The following RSPH4A variants were observed in gnomAD, a reference collection of about 807,000 sequenced individuals.
RSPH4A encodes the protein radial spoke head protein 4 homolog A.
Under a neutral mutation model 71.0 loss-of-function variants are expected in RSPH4A, and 47 were observed. The observed-to-expected ratio is 0.66, with a 90% confidence interval of 0.52 to 0.84. The LOEUF is 0.84. Among genes scored for constraint, RSPH4A ranks in the 40% least tolerant of loss-of-function variants. The pLI is 0.00. For missense variants in RSPH4A, 793 were observed against 855.2 expected (o/e 0.93, Z 0.91); for synonymous variants, 282 against 302.3 (o/e 0.93, Z 0.70).
chr6:116,621,030 T>C (rs1304572809), intron 1 of RSPH4A, among the ~76,000 whole-genome samples: 1 of 152,096 alleles, frequency 6.6e-6, no homozygotes, highest in Non-Finnish European at 1.5e-5. Context: ...GACTAATTTT[T>C]GTTTTTTTAA....
chr6:116,618,739 G>A (rs576513979), intron 1 of RSPH4A, among the ~76,000 whole-genome samples: 1 of 152,356 alleles, frequency 6.6e-6, no homozygotes, highest in East Asian at 1.9e-4. Context: ...CCACAAGCAA[G>A]CAATCACTTC....
Position 116,616,637 on chromosome 6 carries a change from C to A in RSPH4A, c.14C>A (p.Thr5Asn). Residue 5 changes from threonine (T) to asparagine (N), a missense_variant, in exon 1 of 6, where the codon ACC becomes AAC. Coordinates refer to ENST00000229554, the MANE Select transcript of RSPH4A (RefSeq NM_001010892.3). ...TGAACTGCTTCCATGGAGGACTCAA[C>A]CTCCCCGAAGCAAGAAAAAGAAAAC... Reference protein sequence around the residue: MEDSTSPKQEKENQE... With the variant: MEDSNSPKQEKENQE... 6.2e-7 allele frequency: 1 copy of A among 1,613,164 alleles called. No homozygotes were observed. The highest frequency in any genetic ancestry group is 8.5e-7 in the Non-Finnish European group (1 of 1,179,600).
chr6:116,617,235 C>T lies in RSPH4A; in HGVS notation c.612C>T (p.Pro204=), dbSNP rs1470991108. The change falls in exon 1 of 6, where the codon CCC becomes CCT. Residue 204 remains proline, a synonymous_variant. Transcript: ENST00000229554. ...QPAPGGSEVA[P]SMLEITIQNA... ...CGCCTGGGGGCTCTGAAGTGGCCCC[C>T]AGCATGCTTGAGATCACCATTCAGA... 4 of 1,614,102 alleles carry T rather than the reference C, an allele frequency of 2.5e-6. No homozygotes were observed.
rs1177551571 is a variant in RSPH4A at position 116,616,839 on chromosome 6, T to C, written c.216T>C (p.Gly72=). 2 of 1,614,044 alleles carry C rather than the reference T, an allele frequency of 1.2e-6. No homozygotes were observed. Among genetic ancestry groups the C allele is most frequent in the South Asian group, 1.1e-5 (1 of 91,078 alleles). The change falls in exon 1 of 6, where the codon GGT becomes GGC. Residue 72 remains glycine (G), a synonymous_variant. Transcript: ENST00000229554. ...SPQSRAKTPL[G]GPAGPETSSP... is the part of the protein sequence containing the mutation. Reference sequence around the variant, plus strand: ...AGTCTAGAGCCAAGACGCCTCTGGGTGGCCCCGCGGGACCAGAAACATCAT... The same window carrying C: ...AGTCTAGAGCCAAGACGCCTCTGGGCGGCCCCGCGGGACCAGAAACATCAT...
At position 116,632,572 on chromosome 6, in the gene RSPH4A, C is replaced by T; in HGVS notation, c.*131C>T. On this transcript the variant is annotated 3_prime_UTR_variant, in exon 6 of 6. Coordinates refer to ENST00000229554, the MANE Select transcript of RSPH4A (RefSeq NM_001010892.3). Reference sequence around the variant, plus strand: ...GTAAGAAATTATTCAACTGCAAAATCTCAATCTTGAAAATCAAGCTTGAAA... The same window carrying T: ...GTAAGAAATTATTCAACTGCAAAATTTCAATCTTGAAAATCAAGCTTGAAA... 8.4e-7 allele frequency: 1 copy of T among 1,184,372 alleles called. No homozygotes were observed. Among genetic ancestry groups the T allele is most frequent in the Non-Finnish European group, 1.2e-6 (1 of 857,974 alleles). 73.4% of individuals were successfully genotyped at this position (1,184,372 alleles called of 1,614,324 possible).
chr6:116,619,782 G>C (rs754786197), intron 1 of RSPH4A, among the ~76,000 whole-genome samples: 18 of 152,074 alleles, frequency 1.2e-4, no homozygotes, highest in Non-Finnish European at 2.2e-4. Context: ...TCAGTAGCAC[G>C]ATCTCGGCTC....
Position 116,627,638 on chromosome 6 carries a change from G to A in RSPH4A, c.931G>A (p.Ala311Thr), listed in dbSNP as rs1330301417. The A allele has an allele frequency of 4.3e-6, 7 of 1,613,796 alleles. No homozygotes were observed. The highest frequency in any genetic ancestry group is 2.2e-5 in the East Asian group (1 of 44,884). ...GCATTTGTTTCCCCAGGCAGAAAACGCTCTTCCAAATGTAATGGAGTCAGC... is the reference window on the plus strand; with the variant it reads ...GCATTTGTTTCCCCAGGCAGAAAACACTCTTCCAAATGTAATGGAGTCAGC... The part of the protein sequence containing the change: ...QELEDEIAEN[A>T]LPNVMESAFY... Residue 311 changes from alanine (A) to threonine (T), a missense_variant, in exon 3 of 6, where the codon GCT becomes ACT. Physicochemically the swap from Ala to Thr is moderately conservative, Grantham distance 58. Coordinates refer to ENST00000229554, the MANE Select transcript of RSPH4A (RefSeq NM_001010892.3).
intron 3 of RSPH4A, among the ~76,000 whole-genome samples, chr6:116,629,126 T>A (rs962913858): frequency 4.6e-5 from 7 of 152,218 alleles, no homozygotes; most frequent in African/African-American, 1.7e-4. Flanking sequence ...AGAGATACTC[T>A]TAGCTTTCTC....
rs2115368553 is a variant in RSPH4A, at chr6:116,632,361, G to A, written c.2071G>A (p.Ala691Thr). The change falls in exon 6 of 6, where the codon GCT (alanine) becomes ACT (threonine). Residue 691 changes from alanine (A) to threonine (T), a missense_variant. By Grantham distance (58) the Ala-to-Thr change is moderately conservative. Coordinates refer to ENST00000229554, the MANE Select transcript of RSPH4A (RefSeq NM_001010892.3). The stretch of plus-strand genomic sequence containing the variant: ...TGTGGAGGAGGAGCAGGCTTTCAGG[G>A]CTGCACAAGAAGCAGTTCTACTCGC... ...PSVEEEQAFR[A>T]AQEAVLLAAE... 1.2e-6 allele frequency: 2 copies of A among 1,614,002 alleles called. No individual in the cohort carries two copies. Among genetic ancestry groups the A allele is most frequent in the Non-Finnish European group, 1.7e-6 (2 of 1,179,986 alleles).
In RSPH4A at chr6:116,622,914, T is replaced by G. The variant is rs1406041200; in HGVS notation, c.833T>G (p.Leu278Arg). 6.2e-7 allele frequency: 1 copy of G among 1,613,988 alleles called. No individual in the cohort carries two copies. Among genetic ancestry groups the G allele is most frequent in the Admixed American group, 1.7e-5 (1 of 60,026 alleles). The change falls in exon 2 of 6, where the codon CTT becomes CGT. Residue 278 changes from leucine to arginine, a missense_variant. By Grantham distance (102) the Leu-to-Arg change is moderately radical. Transcript: ENST00000229554. ...GCACTACAAAATGAGAATGAGTTGC[T>G]TCCAACATATGAAATAGCAGAAAAG... ...FDALQNENEL[L>R]PTYEIAEKQK...
chr6:116,629,782 G>A, intron 4 of RSPH4A, 80 bp downstream of exon 4: 4 of 1,349,632 alleles, frequency 3.0e-6, no homozygotes, highest in South Asian at 1.2e-5. Flanking sequence ...AAATATGAGA[G>A]TCGGAAAGCT....
chr6:116,626,170 C>G (rs1775688856), intron 2 of RSPH4A, among the ~76,000 whole-genome samples: 1 of 152,022 alleles, frequency 6.6e-6, no homozygotes, highest in East Asian at 1.9e-4. Flanking sequence ...TACATCAAGG[C>G]GATGAGGATT....
Position 116,628,195 on chromosome 6 carries a change from C to G in RSPH4A, c.1488C>G (p.His496Gln), listed in dbSNP as rs367598099. 1 of 1,614,080 alleles carries G rather than the reference C, an allele frequency of 6.2e-7. No homozygotes were observed. The highest frequency in any genetic ancestry group is 8.5e-7 in the Non-Finnish European group (1 of 1,180,012). ...AQIARISAGT[H>Q]VSPLGFYQFG... ...TTGCCCGAATTTCAGCAGGAACCCA[C>G]GTCAGTCCTCTAGGATTTTATCAGT... Residue 496 changes from histidine (H) to glutamine (Q), a missense_variant, in exon 3 of 6, where the codon CAC becomes CAG. Coordinates refer to ENST00000229554, the MANE Select transcript of RSPH4A (RefSeq NM_001010892.3).
intron 4 of RSPH4A, among the ~76,000 whole-genome samples, 155 bp downstream of exon 4, chr6:116,629,857 TGA>T (rs1775763865): frequency 6.6e-6 from 1 of 152,044 alleles, no homozygotes; most frequent in East Asian, 1.9e-4. Flanking sequence ...TGATAGGGAG[TGA>T]AGAATGTAGC....
intron 2 of RSPH4A, among the ~76,000 whole-genome samples, chr6:116,626,709 A>C (rs1210691902): frequency 6.6e-6 from 1 of 151,416 alleles, no homozygotes; most frequent in Admixed American, 6.6e-5. Flanking sequence ...CTTTTGTGGA[A>C]TTTTTTAATT....
chr6:116,632,577 T>G lies in RSPH4A; in HGVS notation c.*136T>G. The G allele has an allele frequency of 1.8e-6, 2 of 1,131,472 alleles. No homozygotes were observed. Among genetic ancestry groups the G allele is most frequent in the Non-Finnish European group, 2.5e-6 (2 of 811,814 alleles). The allele number at this position is 1,131,472 out of a possible 1,614,324, so 70.1% of individuals were successfully genotyped here. A position where few individuals can be genotyped will look rare whatever the true frequency, so the allele number is the denominator to read the frequency against. ...AAATTATTCAACTGCAAAATCTCAA[T>G]CTTGAAAATCAAGCTTGAAATTTCA... is the stretch of plus-strand genomic sequence containing the variant. On this transcript the variant is annotated 3_prime_UTR_variant, in exon 6 of 6. Transcript: ENST00000229554.
chr6:116,629,105 TG>T (rs1775750094), intron 3 of RSPH4A, among the ~76,000 whole-genome samples: 1 of 152,210 alleles, frequency 6.6e-6, no homozygotes, highest in Admixed American at 6.5e-5. Flanking sequence ...CGTTATACTT[TG>T]ATCTAGATAA....
In RSPH4A at chr6:116,629,638, C is replaced by T. The variant is rs188903141; in HGVS notation, c.1734C>T (p.Asp578=). The T allele has an allele frequency of 2.2e-4, 352 of 1,612,974 alleles. 2 individuals carry two copies. The highest frequency in any genetic ancestry group is 5.3e-4 in the South Asian group (48 of 91,052). ...AAGAGGAAGAAGATGAAGAAAAAGA[C>T]GATTCTGACTACATAGAACAGGAAG... is the stretch of plus-strand genomic sequence containing the variant. ...EEEEEEDEEK[D]DSDYIEQEVG... Residue 578 remains aspartate (D), a synonymous_variant, in exon 4 of 6, where the codon GAC becomes GAT. Coordinates refer to ENST00000229554, the MANE Select transcript of RSPH4A (RefSeq NM_001010892.3).
Position 116,630,342 on chromosome 6 carries a change from CAT to C in RSPH4A, c.1799-92_1799-91del, listed in dbSNP as rs112232748. The C allele has an allele frequency of 0.063, 49,111 of 777,574 alleles. 2,419 individuals are homozygous for C. Among genetic ancestry groups the C allele is most frequent in the Admixed American group, 0.21 (12,101 of 58,472 alleles). 48.2% of individuals were successfully genotyped at this position (777,574 alleles called of 1,614,324 possible). Reference sequence around the variant, plus strand: ...ATGTGTGTATCTGTGTGTGTGCATGCATGTGTGTGTGTGTGTATTTATAAAAA... The same window carrying C: ...ATGTGTGTATCTGTGTGTGTGCATGCGTGTGTGTGTGTGTATTTATAAAAA... On this transcript the variant is annotated intron_variant, in intron 4 of 5. Transcript: ENST00000229554.
Sources: gnomAD v4.1 joint callset for allele counts (sites outside exome capture counted in the v4.1 genomes callset) on GRCh38, gnomAD v4.1.1 for gene constraint, MANE v1.5 for transcripts, NCBI Gene and HGNC (gene_info 2026-07-23, HGNC 2026-07-21) for gene names.